Variants in PIK3R3 observed in about 807,000 individuals in gnomAD.
The protein encoded by PIK3R3 is phosphatidylinositol 3-kinase regulatory subunit gamma.
A neutral mutation model predicts 62.9 loss-of-function variants in PIK3R3; 64 were observed. The observed-to-expected ratio is 1.02, with a 90% CI of 0.83 to 1.25. The LOEUF is 1.25. PIK3R3 is among the 50% of genes most tolerant of loss of function. The probability of loss-of-function intolerance (pLI) is 0.00; values close to 1 mark genes in which losing one functional copy is unlikely to be tolerated. For missense variants in PIK3R3, 614 were observed against 561.6 expected (o/e 1.09, Z -0.94); for synonymous variants, 165 against 189.0 (o/e 0.87, Z 1.04).
chr1:46,080,272 G>C (rs1269734287), intron 2 of PIK3R3, among the ~76,000 whole-genome samples: 6 of 151,684 alleles, frequency 4.0e-5, no homozygotes, highest in African/African-American at 1.4e-4. Context: ...GTGTTGCCCA[G>C]GCTGGTCTCA....
chr1:46,043,916 A>T, intron 9 of PIK3R3, 45 bp from the exon 10 acceptor site: 1 of 1,499,878 alleles, frequency 6.7e-7, no homozygotes. Flanking sequence ...AGGTAACAAT[A>T]GATAAAAGGA....
At chr1:46,143,280 C>T in the PIK3R3 span, among the ~76,000 whole-genome samples, 1 of 152,152 alleles carries the variant, frequency 6.6e-6, no homozygotes, top group South Asian at 2.1e-4. Flanking sequence ...ATGACCCAGG[C>T]TGGTCAGTCA....
intron 3 of PIK3R3, among the ~76,000 whole-genome samples, chr1:46,069,408 A>C (rs1649293806): frequency 6.6e-6 from 1 of 151,972 alleles, no homozygotes; most frequent in African/African-American, 2.4e-5. Flanking sequence ...AATCCCAGCT[A>C]TTCAGGAGCC....
chr1:46,089,049 A>G (rs1030911779), intron 1 of PIK3R3, among the ~76,000 whole-genome samples: 3 of 152,196 alleles, frequency 2.0e-5, no homozygotes, highest in African/African-American at 7.2e-5. Context: ...GGTAGAATAG[A>G]TATTTTCAGA....
At chr1:46,147,223 C>T in the PIK3R3 span, among the ~76,000 whole-genome samples, 1 of 152,358 alleles carries the variant, frequency 6.6e-6, no homozygotes, top group South Asian at 2.1e-4. Context: ...ATTCTCCTGC[C>T]TCAGCCTGTA....
At position 46,043,875 on chromosome 1, in the gene PIK3R3, C is replaced by T; in HGVS notation, c.1188-4G>A. ...GTGCTTCACTTCCCCATCGGCCCTG[C>T]AATGACAAACCACAGAAGAAATGTT... On this transcript the variant is annotated splice_region_variant and splice_polypyrimidine_tract_variant and intron_variant, in intron 9 of 9. Coordinates refer to ENST00000262741, the MANE Select transcript of PIK3R3 (RefSeq NM_003629.4). 2 of 1,610,500 alleles carry T rather than the reference C, an allele frequency of 1.2e-6. No homozygotes were observed. Among genetic ancestry groups the T allele is most frequent in the South Asian group, 2.2e-5 (2 of 90,704 alleles).
chr1:46,106,420 C>T (rs959881514), intron 1 of PIK3R3, among the ~76,000 whole-genome samples: 1 of 152,146 alleles, frequency 6.6e-6, no homozygotes. Flanking sequence ...CCATTAAATC[C>T]TTTCTGATAT....
chr1:46,130,997 G>A (rs890359336), intron 1 of PIK3R3, among the ~76,000 whole-genome samples: 3 of 152,110 alleles, frequency 2.0e-5, no homozygotes, highest in Non-Finnish European at 4.4e-5. Flanking sequence ...GTCAGACAGA[G>A]CTTTAAAATA....
Position 46,070,879 on chromosome 1 carries a change from T to G in PIK3R3, c.315-3788A>C, listed in dbSNP as rs772716699. ...GTATCTCAGCACCTAGTCCAATGCC[T>G]GGCAGATAGCAGATTCTTAAAGATT... On this transcript the variant is annotated intron_variant, in intron 3 of 9. Coordinates refer to ENST00000262741, the MANE Select transcript of PIK3R3 (RefSeq NM_003629.4). Among the ~76,000 whole-genome samples the G allele has an allele frequency of 2.6e-5, 4 of 152,230 alleles. No homozygotes were observed. The South Asian group carries it at 6.2e-4, about 24-fold the overall frequency.
chr1:46,083,372 A>G (rs116549740), intron 1 of PIK3R3, among the ~76,000 whole-genome samples: 2,139 of 152,308 alleles, frequency 0.014, 54 homozygotes, highest in African/African-American at 0.049. Context: ...CACTGAAAAT[A>G]ACAAACAAGA....
Position 46,132,348 on chromosome 1 carries a change from GA to G in PIK3R3, c.-397del, listed in dbSNP as rs980124193. ...CCTTCGAAGGAGGGAGAATGAAGAG[GA>G]AAAAAAAGAACACGTTGGGAGAAAC... On this transcript the variant is annotated 5_prime_UTR_variant, in exon 1 of 10. Transcript: ENST00000262741. 17 of 1,104,436 alleles carry G rather than the reference GA, an allele frequency of 1.5e-5. No homozygotes were observed. Among genetic ancestry groups the G allele is most frequent in the South Asian group, 1.3e-4 (6 of 46,374 alleles). 68.4% of individuals were successfully genotyped at this position (1,104,436 alleles called of 1,614,324 possible).
intron 3 of PIK3R3, 73 bp downstream of exon 3, chr1:46,077,442 A>C (rs1650162739): frequency 1.5e-6 from 1 of 683,276 alleles, no homozygotes; most frequent in Admixed American, 2.5e-5. Context: ...AGATTTAAAT[A>C]CAGAAATATC....
the PIK3R3 span, among the ~76,000 whole-genome samples, chr1:46,151,902 T>A: frequency 9.9e-5 from 15 of 152,262 alleles, no homozygotes; most frequent in African/African-American, 3.6e-4. Context: ...TTGAGCTGCC[T>A]CTCCTCCTCC....
chr1:46,054,448 C>T (rs558963512), intron 7 of PIK3R3, among the ~76,000 whole-genome samples: 1 of 143,358 alleles, frequency 7.0e-6, no homozygotes, highest in East Asian at 2.2e-4. Flanking sequence ...TCTACTGAAA[C>T]TCTTCTGCCA....
At chr1:46,146,527 A>G in the PIK3R3 span, among the ~76,000 whole-genome samples, 8,886 of 152,182 alleles carry the variant, frequency 0.058, 839 homozygotes, top group African/African-American at 0.2. Flanking sequence ...AGTCCTCCAA[A>G]ATGGGAAAGG....
At chr1:46,097,567 C>T (rs1429642800) in intron 1 of PIK3R3, among the ~76,000 whole-genome samples, 1 of 152,026 alleles carries the variant, frequency 6.6e-6, no homozygotes, top group Non-Finnish European at 1.5e-5. Flanking sequence ...TCTGCTCTCA[C>T]CACGTCTATT....
In PIK3R3 at chr1:46,041,832, C is replaced by T. The variant is rs1647002587; in HGVS notation, c.*1841G>A. The stretch of plus-strand genomic sequence containing the variant: ...AACTGCAGTGTAACCAAGAAAAAGC[C>T]AAAGAGAAGCACTTCCCTTTCTATC... On this transcript the variant is annotated 3_prime_UTR_variant, in exon 10 of 10. Coordinates refer to ENST00000262741, the MANE Select transcript of PIK3R3 (RefSeq NM_003629.4). 1 of 212,346 alleles carries T rather than the reference C, an allele frequency of 4.7e-6. No homozygotes were observed. 13.2% of individuals were successfully genotyped at this position (212,346 alleles called of 1,614,324 possible).
chr1:46,096,195 T>C (rs1412473617), intron 1 of PIK3R3, among the ~76,000 whole-genome samples: 1 of 152,360 alleles, frequency 6.6e-6, no homozygotes, highest in African/African-American at 2.4e-5. Context: ...CTTAGCATTG[T>C]TCACAAACAC....
At chr1:46,149,079 T>C in the PIK3R3 span, among the ~76,000 whole-genome samples, 1 of 152,140 alleles carries the variant, frequency 6.6e-6, no homozygotes. Context: ...AAATGACCTC[T>C]GGTCCCTCAC....
Sources: gnomAD v4.1 joint callset for allele counts (sites outside exome capture counted in the v4.1 genomes callset) on GRCh38, gnomAD v4.1.1 for gene constraint, MANE v1.5 for transcripts, NCBI Gene and HGNC (gene_info 2026-07-23, HGNC 2026-07-21) for gene names.